The following COPS3 variants were observed in gnomAD, a reference collection of about 807,000 sequenced individuals.
The protein encoded by COPS3 is COP9 signalosome subunit 3.
COPS3 carries 10 observed loss-of-function variants against 58.2 expected under a neutral mutation model. The observed-to-expected ratio is 0.17, with a 90% CI of 0.11 to 0.29. COPS3 has a LOEUF of 0.29. COPS3 is among the 10% of genes least tolerant of loss of function. The pLI, the probability that COPS3 is intolerant of heterozygous loss-of-function variation, is 1.00. For synonymous variants in COPS3, 187 were observed against 181.7 expected, an observed-to-expected ratio of 1.03 and a Z score of -0.24; for missense variants, 333 against 510.1, an observed-to-expected ratio of 0.65 and a Z score of 3.34.
At position 17,272,378 on chromosome 17, in the gene COPS3, G is replaced by C. The variant is rs531359588; in HGVS notation, c.186-1370C>G. On this transcript the variant is annotated intron_variant, in intron 2 of 11. Transcript: ENST00000268717. The stretch of plus-strand genomic sequence containing the variant: ...GCAGAGTTTGCAGTGAGCTGAGATC[G>C]TGCCACTGCACTCCAGCCCGGGTGA... Among the ~76,000 whole-genome samples the C allele has an allele frequency of 2.0e-5, 3 of 151,940 alleles. No homozygotes were observed. In the East Asian group the frequency reaches 5.8e-4, roughly 29 times the overall value.
chr17:17,280,116 A>G (rs1429727610), intron 1 of COPS3, among the ~76,000 whole-genome samples: 1 of 152,126 alleles, frequency 6.6e-6, no homozygotes, highest in African/African-American at 2.4e-5. Context: ...AAATACGAAA[A>G]AATTAGCCGC....
intron 1 of COPS3, among the ~76,000 whole-genome samples, chr17:17,280,118 A>C (rs2048542754): frequency 6.6e-6 from 1 of 152,158 alleles, no homozygotes; most frequent in Non-Finnish European, 1.5e-5. Context: ...ATACGAAAAA[A>C]TTAGCCGCGT....
At position 17,270,913 on chromosome 17, in the gene COPS3, C is replaced by T. The variant is rs760947038; in HGVS notation, c.281G>A (p.Arg94Gln). ...FISTCNGEHI[R>Q]YATDTFAGLC... ...TAGCTTACAAGTGTCTGTTGCATAT[C>T]GAATGTGCTCCCCATTACAAGTGCT... Residue 94 changes from arginine to glutamine, a missense_variant, in exon 3 of 12, where the codon CGA becomes CAA. Coordinates refer to ENST00000268717, the MANE Select transcript of COPS3 (RefSeq NM_003653.4). 1.8e-5 allele frequency: 29 copies of T among 1,613,586 alleles called. No homozygotes were observed. The highest frequency in any genetic ancestry group is 2.1e-5 in the Non-Finnish European group (25 of 1,179,832).
At chr17:17,278,411 T>C (rs1207570117) in intron 1 of COPS3, among the ~76,000 whole-genome samples, 1 of 152,214 alleles carries the variant, frequency 6.6e-6, no homozygotes, top group East Asian at 1.9e-4. Context: ...CTTTTGATAA[T>C]TTAACACTTT....
intron 1 of COPS3, chr17:17,280,748 C>A: frequency 8.0e-7 from 1 of 1,242,794 alleles, no homozygotes; most frequent in Non-Finnish European, 1.0e-6. Context: ...GGATCGGCGG[C>A]AAAGATGACA....
chr17:17,280,783 C>T lies in COPS3; in HGVS notation c.55+349G>A, dbSNP rs1029830. The T allele has an allele frequency of 1.2e-5, 15 of 1,260,866 alleles. No individual in the cohort carries two copies. The East Asian group carries it at 5.4e-4, about 45-fold the overall frequency. The allele number at this position is 1,260,866 out of a possible 1,614,324, so 78.1% of individuals were successfully genotyped here. ...ATGGCGGTGCGCCAATCACCGAAGG[C>T]AAGAGAGACAGAAGGAACCAATAGT... is the stretch of plus-strand genomic sequence containing the variant. On this transcript the variant is annotated intron_variant, in intron 1 of 11. Transcript: ENST00000268717.
At chr17:17,280,183 C>CTCCCA (rs2048544394) in intron 1 of COPS3, among the ~76,000 whole-genome samples, 1 of 152,050 alleles carries the variant, frequency 6.6e-6, no homozygotes, top group African/African-American at 2.4e-5. Flanking sequence ...AGGCCGAGGC[C>CTCCCA]AGTGGATCAC....
rs776178687 is a variant in COPS3 at position 17,270,813 on chromosome 17, T to C, written c.299-6A>G. ...CTGATGGCAAAGCCCAGCAACTAGA[T>C]ACAATAACAAAATATTCAAAATATA... On this transcript the variant is annotated splice_polypyrimidine_tract_variant and splice_region_variant and intron_variant, in intron 3 of 11. Transcript: ENST00000268717. The C allele has an allele frequency of 8.1e-6, 13 of 1,600,490 alleles. No homozygotes were observed. Among genetic ancestry groups the C allele is most frequent in the South Asian group, 5.6e-5 (5 of 89,452 alleles).
chr17:17,270,595 G>C (rs544524963), intron 4 of COPS3, among the ~76,000 whole-genome samples, 163 bp downstream of exon 4: 2 of 151,970 alleles, frequency 1.3e-5, no homozygotes, highest in East Asian at 3.9e-4. Context: ...GGGGATGCGG[G>C]GACTGCCTGA....
intron 2 of COPS3, among the ~76,000 whole-genome samples, chr17:17,271,920 CAT>C (rs200125445): frequency 0.01 from 1,197 of 114,472 alleles, 17 homozygotes; most frequent in African/African-American, 0.031. Flanking sequence ...ATATATTAAA[CAT>C]ATATGTTTTA....
At chr17:17,256,661 C>T (rs757623558) in intron 8 of COPS3, among the ~76,000 whole-genome samples, 2 of 151,968 alleles carry the variant, frequency 1.3e-5, no homozygotes, top group Non-Finnish European at 2.9e-5. Flanking sequence ...AGTGCAGAGG[C>T]GCAATCACAG....
intron 9 of COPS3, among the ~76,000 whole-genome samples, chr17:17,250,268 T>C (rs1389553235): frequency 6.6e-6 from 1 of 151,162 alleles, no homozygotes; most frequent in East Asian, 1.9e-4. Flanking sequence ...TTTTTTTTTT[T>C]TTTTGAGATG....
At chr17:17,267,769 C>G (rs544721357) in intron 5 of COPS3, 116 bp downstream of exon 5, 28 of 1,024,722 alleles carry the variant, frequency 2.7e-5, no homozygotes, top group South Asian at 8.7e-5. Flanking sequence ...ATTCCAACTT[C>G]TATAACACAT....
At chr17:17,249,316 TTTTATTTATTTA>T (rs533955606) in intron 9 of COPS3, among the ~76,000 whole-genome samples, 7 of 151,882 alleles carry the variant, frequency 4.6e-5, no homozygotes, top group African/African-American at 9.7e-5. Flanking sequence ...TAATTAACCA[TTTTATTTATTTA>T]TTTATTTATT....
Position 17,281,205 on chromosome 17 carries a change from C to A in COPS3, c.-19G>T, listed in dbSNP as rs996728799. On this transcript the variant is annotated 5_prime_UTR_variant, in exon 1 of 12. Coordinates refer to ENST00000268717, the MANE Select transcript of COPS3 (RefSeq NM_003653.4). Reference sequence around the variant, plus strand: ...ACGCCATGTTTTCCCCCGGGCGGCCCGAGCGGCGAAGGCAGCACGCGCGGG... The same window carrying A: ...ACGCCATGTTTTCCCCCGGGCGGCCAGAGCGGCGAAGGCAGCACGCGCGGG... The A allele has an allele frequency of 6.2e-7, 1 of 1,606,530 alleles. No individual in the cohort carries two copies. The highest frequency in any genetic ancestry group is 8.5e-7 in the Non-Finnish European group (1 of 1,176,902).
At chr17:17,247,653 T>TCA in intron 10 of COPS3, 93 bp from the exon 11 acceptor site, 2 of 1,268,228 alleles carry the variant, frequency 1.6e-6, no homozygotes, top group Non-Finnish European at 2.3e-6. Context: ...TGCTATAGGT[T>TCA]CACAATCTCT....
chr17:17,247,260 GT>G (rs2047744325), intron 11 of COPS3, 109 bp from the exon 12 acceptor site: 8 of 1,120,588 alleles, frequency 7.1e-6, no homozygotes, highest in Admixed American at 1.7e-5. Context: ...AAAGCCCCCT[GT>G]GAACAAGGGC....
chr17:17,278,155 GA>G (rs112358023), intron 1 of COPS3, among the ~76,000 whole-genome samples: 47 of 149,144 alleles, frequency 3.2e-4, no homozygotes, highest in African/African-American at 8.6e-4. Context: ...CGTTTCGGGG[GA>G]AAAAAAAAAT....
At chr17:17,248,702 G>C (rs1001498433) in intron 10 of COPS3, among the ~76,000 whole-genome samples, 5 of 152,152 alleles carry the variant, frequency 3.3e-5, no homozygotes, top group African/African-American at 1.2e-4. Context: ...TGTCACCCAA[G>C]GTGGAGGACA....
Sources: allele counts gnomAD v4.1 joint callset (sites outside exome capture counted in the v4.1 genomes callset), GRCh38; gene constraint gnomAD v4.1.1; transcripts MANE v1.5; gene names NCBI Gene and HGNC (gene_info 2026-07-23, HGNC 2026-07-21).